SCARA3: variants seen among roughly 807,000 people sequenced by gnomAD.
SCARA3 encodes the protein cellular stress response gene protein.
In SCARA3, 39 loss-of-function variants were observed where a neutral mutation model predicts 47.0. The ratio of observed to expected loss-of-function variants is 0.83; its 90% CI spans 0.64 to 1.08. SCARA3 has a LOEUF of 1.08. Among genes scored for constraint, SCARA3 ranks in the 50% least tolerant of loss-of-function variants. The probability of loss-of-function intolerance (pLI) is 0.00; values close to 1 mark genes in which losing one functional copy is unlikely to be tolerated. For missense variants in SCARA3, 724 were observed against 792.3 expected, an observed-to-expected ratio of 0.91 and a Z score of 1.04; for synonymous variants, 356 against 334.1, an observed-to-expected ratio of 1.07 and a Z score of -0.71.
At chr8:27,651,458 C>T in intron 2 of SCARA3, 50 bp from the exon 3 acceptor site, 1 of 1,595,542 alleles carries the variant, frequency 6.3e-7, no homozygotes, top group Non-Finnish European at 8.5e-7. Flanking sequence ...CCCTTCAGCT[C>T]CAACCTGGGC....
intron 3 of SCARA3, among the ~76,000 whole-genome samples, chr8:27,652,304 G>C (rs1801649949): frequency 6.6e-6 from 1 of 152,218 alleles, no homozygotes; most frequent in Non-Finnish European, 1.5e-5. Flanking sequence ...CTGCCTTCCA[G>C]ATGCTGACAG....
chr8:27,725,057 G>T, the SCARA3 span, among the ~76,000 whole-genome samples: 1 of 152,222 alleles, frequency 6.6e-6, no homozygotes, highest in African/African-American at 2.4e-5. Context: ...GGCCAAGGTA[G>T]GAGGATCACT....
At chr8:27,676,792 T>G (rs1422283103), downstream of SCARA3, 5 of 462,384 alleles carry the variant, frequency 1.1e-5, no homozygotes, top group Non-Finnish European at 1.9e-5. Context: ...ATGTTTATTT[T>G]ACTAAGGGGG....
intron 1 of SCARA3, among the ~76,000 whole-genome samples, chr8:27,636,976 C>T (rs1241757062): frequency 6.6e-6 from 1 of 152,206 alleles, no homozygotes; most frequent in Non-Finnish European, 1.5e-5. Context: ...TCCAGAGAAC[C>T]CTTCCCGTGC....
chr8:27,728,883 G>C, the SCARA3 span, among the ~76,000 whole-genome samples: 3 of 152,242 alleles, frequency 2.0e-5, no homozygotes, highest in African/African-American at 4.8e-5. Context: ...ACTTAGCTGG[G>C]TGTGCTGTTT....
intron 1 of SCARA3, among the ~76,000 whole-genome samples, chr8:27,645,614 A>T (rs188626343): frequency 4.6e-5 from 7 of 152,360 alleles, no homozygotes; most frequent in Admixed American, 2.0e-4. Flanking sequence ...TTGTGACATG[A>T]TGGAGGTGAA....
the SCARA3 span, among the ~76,000 whole-genome samples, chr8:27,706,874 T>A: frequency 6.6e-6 from 1 of 151,866 alleles, no homozygotes; most frequent in South Asian, 2.1e-4. Context: ...CTGAAGTAGC[T>A]CAGAACGTGA....
the SCARA3 span, among the ~76,000 whole-genome samples, chr8:27,698,318 G>A: frequency 6.6e-6 from 1 of 152,142 alleles, no homozygotes; most frequent in East Asian, 1.9e-4. Context: ...ACTATTGTAA[G>A]GGAAGATTAT....
chr8:27,663,010 G>A (rs1801943735), intron 5 of SCARA3, among the ~76,000 whole-genome samples: 3 of 152,188 alleles, frequency 2.0e-5, no homozygotes, highest in Admixed American at 6.5e-5. Context: ...GGAGAGGCCC[G>A]TCCACAGACC....
chr8:27,684,909 A>T, the SCARA3 span, among the ~76,000 whole-genome samples: 1 of 151,960 alleles, frequency 6.6e-6, no homozygotes, highest in African/African-American at 2.4e-5. Context: ...TCTAAAAAAA[A>T]TTTTAATTAA....
the SCARA3 span, among the ~76,000 whole-genome samples, chr8:27,722,034 A>G: frequency 3.3e-5 from 5 of 152,348 alleles, no homozygotes; most frequent in Admixed American, 1.3e-4. Context: ...GGCTGCAGTA[A>G]GTTAATGATA....
chr8:27,649,228 C>T lies in SCARA3; in HGVS notation c.8-474C>T, dbSNP rs148021117. Among the ~76,000 whole-genome samples the T allele has an allele frequency of 3.4e-4, 52 of 152,252 alleles. 2 individuals are homozygous for T. The East Asian group carries it at 9.3e-3, about 27-fold the overall frequency. Reference sequence around the variant, plus strand: ...GGGATCTGCGCCCATCCTGTCATCTCCTCCTCCCTCTGGCCTCCTCCTGGC... The same window carrying T: ...GGGATCTGCGCCCATCCTGTCATCTTCTCCTCCCTCTGGCCTCCTCCTGGC... On this transcript the variant is annotated intron_variant, in intron 1 of 5. Coordinates refer to ENST00000301904, the MANE Select transcript of SCARA3 (RefSeq NM_016240.3).
In SCARA3 at chr8:27,659,269, AC is replaced by A; in HGVS notation, c.1101del (p.Asp368ThrfsTer32). 6.2e-7 allele frequency: 1 copy of A among 1,614,132 alleles called. No homozygotes were observed. Among genetic ancestry groups the A allele is most frequent in the African/African-American group, 1.3e-5 (1 of 75,026 alleles). On this transcript the variant is annotated frameshift_variant, in exon 5 of 6. Coordinates refer to ENST00000301904, the MANE Select transcript of SCARA3 (RefSeq NM_016240.3). LOFTEE classifies it high-confidence loss of function. ...CACCATCTTCACCAACATCAATGCC[AC>A]CGACAACCACGTGCACAGCATGCTC... Reference protein sequence around the residue: ...IGTIFTNINATDNHVHSMLKY... With the variant: ...IGTIFTNINAXDNHVHSMLKY...
At chr8:27,652,931 G>A (rs1031438231) in intron 3 of SCARA3, among the ~76,000 whole-genome samples, 6 of 152,170 alleles carry the variant, frequency 3.9e-5, no homozygotes, top group African/African-American at 7.2e-5. Context: ...ATTCCAGTCC[G>A]CAGCTAGATT....
chr8:27,698,978 C>T, the SCARA3 span, among the ~76,000 whole-genome samples: 1 of 152,034 alleles, frequency 6.6e-6, no homozygotes, highest in Non-Finnish European at 1.5e-5. Flanking sequence ...GGCACAGTGG[C>T]TCACGCCTGT....
chr8:27,661,933 A>G (rs749194787), intron 5 of SCARA3, among the ~76,000 whole-genome samples: 1 of 152,192 alleles, frequency 6.6e-6, no homozygotes, highest in Non-Finnish European at 1.5e-5. Flanking sequence ...GTGGAGTAGC[A>G]GTCCAATTTC....
chr8:27,635,835 A>G (rs1801239199), intron 1 of SCARA3, among the ~76,000 whole-genome samples: 2 of 152,136 alleles, frequency 1.3e-5, no homozygotes, highest in African/African-American at 4.8e-5. Context: ...ACTGGGCCCC[A>G]CAAATTATGT....
At chr8:27,694,779 A>G in the SCARA3 span, among the ~76,000 whole-genome samples, 1 of 152,186 alleles carries the variant, frequency 6.6e-6, no homozygotes, top group East Asian at 1.9e-4. Context: ...AAAGTTGACC[A>G]CAGAAAGACA....
chr8:27,691,502 G>A, the SCARA3 span, among the ~76,000 whole-genome samples: 1 of 151,872 alleles, frequency 6.6e-6, no homozygotes, highest in East Asian at 1.9e-4. Context: ...TATAGTTCAC[G>A]TTGGCAGCCC....
Sources: allele counts gnomAD v4.1 joint callset (sites outside exome capture counted in the v4.1 genomes callset), GRCh38; gene constraint gnomAD v4.1.1; transcripts MANE v1.5; gene names NCBI Gene and HGNC (gene_info 2026-07-23, HGNC 2026-07-21).